Variants in CNR1 observed in about 807,000 individuals in gnomAD.
CNR1 encodes cannabinoid receptor 1 (brain).
Under a neutral mutation model 23.0 loss-of-function variants are expected in CNR1, and 10 were observed. The observed-to-expected ratio is 0.43, with a 90% CI of 0.27 to 0.74. The LOEUF is 0.74. Ranked by LOEUF, CNR1 falls within the 30% of genes least tolerant of loss-of-function variation. The probability of loss-of-function intolerance (pLI) is 0.19; values close to 1 mark genes in which losing one functional copy is unlikely to be tolerated. For missense variants in CNR1, 422 were observed against 618.8 expected, an observed-to-expected ratio of 0.68 and a Z score of 3.37; for synonymous variants, 271 against 255.2, an observed-to-expected ratio of 1.06 and a Z score of -0.59.
chr6:88,144,577 G>A lies in CNR1; in HGVS notation c.698C>T (p.Ala233Val). The A allele has an allele frequency of 6.2e-7, 1 of 1,614,206 alleles. No individual in the cohort carries two copies. The highest frequency in any genetic ancestry group is 8.5e-7 in the Non-Finnish European group (1 of 1,180,044). ...CCACATCAGGCAAAACGCCACCACG[G>A]CCTTGGGCCTGGTGACAATCCTCTT... is the stretch of plus-strand genomic sequence containing the variant. ...AYKRIVTRPK[A>V]VVAFCLMWTI... Residue 233 changes from alanine (A) to valine (V), a missense_variant, in exon 2 of 2, where the codon GCC becomes GTC. Ala to Val is a moderately conservative substitution (Grantham distance 64, BLOSUM62 0). Around this residue, in one of 4 missense-constraint regions of CNR1, gnomAD observed 211 missense variants for 357.3 expected, o/e 0.59. Transcript: ENST00000369501. The surrounding 1 kb of genome is among the most constrained non-coding windows in gnomAD (Gnocchi z 7.8).
intron 1 of CNR1, among the ~76,000 whole-genome samples, chr6:88,151,443 A>G (rs1777512596): frequency 6.6e-6 from 1 of 152,184 alleles, no homozygotes; most frequent in Non-Finnish European, 1.5e-5. Context: ...GTTAGATGGT[A>G]CTTGGGCAAT....
chr6:88,158,188 A>C (rs1196039769), intron 1 of CNR1, among the ~76,000 whole-genome samples: 1 of 152,222 alleles, frequency 6.6e-6, no homozygotes, highest in African/African-American at 2.4e-5. Context: ...CTGGAAATGT[A>C]GTTGTGATTA....
chr6:88,152,212 C>T (rs1281662967), intron 1 of CNR1, among the ~76,000 whole-genome samples: 1 of 104,354 alleles, frequency 9.6e-6, no homozygotes, highest in South Asian at 3.2e-4. Flanking sequence ...GAGACTCCGT[C>T]TCAAAAAAAA....
intron 1 of CNR1, among the ~76,000 whole-genome samples, chr6:88,156,109 G>A (rs906876469): frequency 6.6e-6 from 1 of 152,104 alleles, no homozygotes; most frequent in Non-Finnish European, 1.5e-5. Context: ...CTAAGTTCCT[G>A]GCTGGAATCA....
chr6:88,159,915 GATTA>G (rs1777999643), intron 1 of CNR1, among the ~76,000 whole-genome samples: 1 of 151,524 alleles, frequency 6.6e-6, no homozygotes, highest in African/African-American at 2.4e-5. Flanking sequence ...AAATAAATTT[GATTA>G]ATTTTTAAAT....
chr6:88,145,230 G>C lies in CNR1; in HGVS notation c.45C>G (p.Thr15=). 6.2e-7 allele frequency: 1 copy of C among 1,613,970 alleles called. No individual in the cohort carries two copies. Among genetic ancestry groups the C allele is most frequent in the Non-Finnish European group, 8.5e-7 (1 of 1,179,948 alleles). The change falls in exon 2 of 2, where the codon ACC becomes ACG. Residue 15 remains threonine (T), a synonymous_variant. Transcript: ENST00000369501. ...CCACGTACAGGAGGTCAGTGGTGAT[G>C]GTGCGGAAGGTGGTATCTGCAAGGC... ...LDGLADTTFR[T]ITTDLLYVGS...
chr6:88,139,995 T>C lies in CNR1; in HGVS notation c.*3861A>G, dbSNP rs76287558. On this transcript the variant is annotated 3_prime_UTR_variant, in exon 2 of 2. Transcript: ENST00000369501. ...CATTGAAATAAAATATACTGTGGGC[T>C]TAATACATTGTAAATATTACAGAAG... The C allele has an allele frequency of 6.6e-6, 1 of 152,552 alleles. No individual in the cohort carries two copies. The highest frequency in any genetic ancestry group is 1.5e-5 in the Non-Finnish European group (1 of 68,022). 9.4% of individuals were successfully genotyped at this position (152,552 alleles called of 1,614,324 possible). A position where few individuals can be genotyped will look rare whatever the true frequency, so the allele number is the denominator to read the frequency against.
At chr6:88,149,047 T>G (rs920797514) in intron 1 of CNR1, among the ~76,000 whole-genome samples, 2 of 152,198 alleles carry the variant, frequency 1.3e-5, no homozygotes, top group African/African-American at 4.8e-5. Context: ...AGCCATCACC[T>G]ACTGGACCAG....
rs568046901 is a variant in CNR1, at chr6:88,151,161, GGTAA to G, written c.-63-5828_-63-5825del. On this transcript the variant is annotated intron_variant, in intron 1 of 1. Coordinates refer to ENST00000369501, the MANE Select transcript of CNR1 (RefSeq NM_016083.6). ...CCATTTTCAGAAGAAAGGCACAGAG[GGTAA>G]GTAAGTTGCTATAGGCAAAGCTAGT... Among the ~76,000 whole-genome samples the G allele has an allele frequency of 1.9e-4, 29 of 152,232 alleles. 1 individual carries two copies. In the South Asian group the frequency reaches 5.8e-3, roughly 31 times the overall value.
At chr6:88,154,985 T>C in intron 1 of CNR1, among the ~76,000 whole-genome samples, 1 of 152,222 alleles carries the variant, frequency 6.6e-6, no homozygotes, top group East Asian at 1.9e-4. Context: ...ATTATCTTTA[T>C]CTTGCATATG....
intron 1 of CNR1, among the ~76,000 whole-genome samples, chr6:88,158,684 T>C (rs1031879359): frequency 6.6e-6 from 1 of 152,184 alleles, no homozygotes; most frequent in African/African-American, 2.4e-5. Flanking sequence ...TGAAAGATTA[T>C]GGAGACATAT....
intron 1 of CNR1, among the ~76,000 whole-genome samples, chr6:88,158,373 T>G (rs1777912840): frequency 6.6e-6 from 1 of 152,184 alleles, no homozygotes. Context: ...GTGAACATAT[T>G]GAATTAGTAA....
chr6:88,151,008 A>G (rs1204754199), intron 1 of CNR1, among the ~76,000 whole-genome samples: 1 of 152,104 alleles, frequency 6.6e-6, no homozygotes, highest in Non-Finnish European at 1.5e-5. Context: ...GTAGACCACT[A>G]AGTCTTGCTG....
intron 1 of CNR1, among the ~76,000 whole-genome samples, chr6:88,151,675 TATA>T (rs1777528620): frequency 1.3e-5 from 2 of 151,458 alleles, no homozygotes; most frequent in South Asian, 2.1e-4. Flanking sequence ...AAGAATATAT[TATA>T]ATAATATAAT....
chr6:88,143,823 T>A lies in CNR1; in HGVS notation c.*33A>T, dbSNP rs766054760. The stretch of plus-strand genomic sequence containing the variant: ...TAGATTTTGAGCTTAAAAAAAAAAA[T>A]TCTTTTCCTGTGCTGCCAGGGAGGC... On this transcript the variant is annotated 3_prime_UTR_variant, in exon 2 of 2. Transcript: ENST00000369501. The A allele has an allele frequency of 2.0e-6, 3 of 1,537,796 alleles. No homozygotes were observed. The highest frequency in any genetic ancestry group is 1.2e-5 in the South Asian group (1 of 83,646).
rs934276012 is a variant in CNR1, at chr6:88,144,353, T to G, written c.922A>C (p.Met308Leu). The G allele has an allele frequency of 1.2e-6, 2 of 1,613,890 alleles. No individual in the cohort carries two copies. Among genetic ancestry groups the G allele is most frequent in the Non-Finnish European group, 1.7e-6 (2 of 1,180,026 alleles). ...CTCTTCTGGGTGCCACGCTGAATCA[T>G]GCGGACGGCGTGGCTGTGAGCCTTC... ...LWKAHSHAVR[M>L]IQRGTQKSII... is the part of the protein sequence containing the mutation. Residue 308 changes from methionine to leucine, a missense_variant, in exon 2 of 2, where the codon ATG (methionine) becomes CTG (leucine). Met to Leu is a conservative substitution (Grantham distance 15). Transcript: ENST00000369501. The surrounding 1 kb of genome is among the most constrained non-coding windows in gnomAD (Gnocchi z 7.8).
intron 1 of CNR1, among the ~76,000 whole-genome samples, chr6:88,149,460 T>C (rs554415386): frequency 1.1e-4 from 17 of 152,322 alleles, no homozygotes; most frequent in Non-Finnish European, 2.1e-4. Context: ...AACAACTCCA[T>C]TTACATATGG....
rs939183972 is a variant in CNR1 at position 88,143,625 on chromosome 6, C to T, written c.*231G>A. ...CTATTTCATTGAGACTTTGAAGGAT[C>T]GTTCAGTCACTTAAACAACAGGCTT... On this transcript the variant is annotated 3_prime_UTR_variant, in exon 2 of 2. Coordinates refer to ENST00000369501, the MANE Select transcript of CNR1 (RefSeq NM_016083.6). 8.9e-5 allele frequency: 41 copies of T among 462,166 alleles called. No individual in the cohort carries two copies. The highest frequency in any genetic ancestry group is 1.4e-4 in the Non-Finnish European group (37 of 261,080). The allele number at this position is 462,166 out of a possible 1,614,324, so 28.6% of individuals were successfully genotyped here. A position where few individuals can be genotyped will look rare whatever the true frequency, so the allele number is the denominator to read the frequency against.
intron 1 of CNR1, among the ~76,000 whole-genome samples, chr6:88,164,776 A>C (rs981633575): frequency 2.6e-5 from 4 of 152,236 alleles, no homozygotes; most frequent in African/African-American, 9.6e-5. Context: ...ACTAATACTC[A>C]GTGTCCGCTA....
Sources: gnomAD v4.1 joint callset for allele counts (sites outside exome capture counted in the v4.1 genomes callset) on GRCh38, gnomAD v4.1.1 for gene constraint, gnomAD v4.1.1 regional missense constraint, Gnocchi (gnomAD v3.1) non-coding constraint, MANE v1.5 for transcripts, NCBI Gene and HGNC (gene_info 2026-07-23, HGNC 2026-07-21) for gene names.